Variants in ARHGEF11 observed in about 807,000 individuals in gnomAD.
ARHGEF11 encodes Rho guanine nucleotide exchange factor 11, also known as Rho guanine exchange factor (GEF) 11.
A neutral mutation model predicts 193.7 loss-of-function variants in ARHGEF11; 55 were observed. The observed-to-expected ratio is 0.28, with a 90% CI of 0.23 to 0.36. The LOEUF is 0.36. ARHGEF11 is among the 10% of genes least tolerant of loss of function. ARHGEF11 has a pLI of 1.00. For missense variants in ARHGEF11, 1,723 were observed against 2,005.6 expected, an observed-to-expected ratio of 0.86 and a Z score of 2.69; for synonymous variants, 693 against 768.0, an observed-to-expected ratio of 0.90 and a Z score of 1.62.
rs542912290 is a variant in ARHGEF11 at position 157,003,974 on chromosome 1, G to A, written c.33-17801C>T. 2.3e-3 allele frequency among the ~76,000 whole-genome samples: 350 copies of A among 152,302 alleles called. 1 individual carries two copies. Among genetic ancestry groups the A allele is most frequent in the African/African-American group, 8.1e-3 (336 of 41,562 alleles). ...ATTTTTATCACCACCATGGGAAAAG[G>A]GGGGCTTAAGTTGCTCCCTTGTATT... On this transcript the variant is annotated intron_variant, in intron 1 of 40. Coordinates refer to ENST00000368194, the MANE Select transcript of ARHGEF11 (RefSeq NM_198236.3).
At chr1:157,036,332 G>GT (rs1365761941) in intron 1 of ARHGEF11, among the ~76,000 whole-genome samples, 8 of 150,846 alleles carry the variant, frequency 5.3e-5, no homozygotes, top group Non-Finnish European at 1.5e-5. Flanking sequence ...TTTTTTGTTT[G>GT]TTTTTTTGAG....
chr1:156,958,664 G>A, intron 17 of ARHGEF11, 78 bp downstream of exon 17: 1 of 1,585,686 alleles, frequency 6.3e-7, no homozygotes, highest in South Asian at 1.2e-5. Context: ...GAGGGGGAGA[G>A]GTTGAAAGAA....
chr1:156,998,178 G>C (rs1308328093), intron 1 of ARHGEF11, among the ~76,000 whole-genome samples: 6 of 152,172 alleles, frequency 3.9e-5, no homozygotes, highest in Non-Finnish European at 7.3e-5. Context: ...AAACGAAGCA[G>C]AGCCCGGCTC....
chr1:157,046,237 A>G (rs1244755318), upstream of ARHGEF11, among the ~76,000 whole-genome samples: 1 of 131,362 alleles, frequency 7.6e-6, no homozygotes, highest in Non-Finnish European at 1.6e-5. Flanking sequence ...CGCCGCCGCC[A>G]CCGCCACCGC....
At chr1:156,945,322 G>A in intron 29 of ARHGEF11, 125 bp from the exon 30 acceptor site, 1 of 1,075,144 alleles carries the variant, frequency 9.3e-7, no homozygotes, top group Non-Finnish European at 1.3e-6. Context: ...GTGGGTGGAG[G>A]GGAGCCACCC....
chr1:157,028,005 A>G (rs149758404), intron 1 of ARHGEF11, among the ~76,000 whole-genome samples: 86 of 152,326 alleles, frequency 5.6e-4, no homozygotes, highest in African/African-American at 1.9e-3. Context: ...AAGGTGCCAG[A>G]GTGAAGAAGT....
At chr1:156,988,486 C>G (rs1303574942) in intron 1 of ARHGEF11, among the ~76,000 whole-genome samples, 1 of 152,312 alleles carries the variant, frequency 6.6e-6, no homozygotes, top group East Asian at 1.9e-4. Context: ...TATCTTGGGA[C>G]ACCTCGGGCC....
intron 1 of ARHGEF11, among the ~76,000 whole-genome samples, chr1:157,030,895 C>A (rs1671224707): frequency 1.3e-5 from 2 of 152,042 alleles, no homozygotes; most frequent in Admixed American, 1.3e-4. Context: ...GCACTCTTAT[C>A]TGGGTCCTCA....
intron 3 of ARHGEF11, among the ~76,000 whole-genome samples, chr1:156,981,941 A>G (rs1664241532): frequency 6.6e-6 from 1 of 152,244 alleles, no homozygotes; most frequent in Admixed American, 6.5e-5. Context: ...TGATCAAAAC[A>G]AAACTCCCAC....
At chr1:156,993,273 G>C (rs920242639) in intron 1 of ARHGEF11, among the ~76,000 whole-genome samples, 1 of 151,916 alleles carries the variant, frequency 6.6e-6, no homozygotes, top group Admixed American at 6.6e-5. Flanking sequence ...AGATTTGTTT[G>C]GTCTTTATTT....
At chr1:156,995,936 C>T (rs1005863440) in intron 1 of ARHGEF11, among the ~76,000 whole-genome samples, 1 of 152,066 alleles carries the variant, frequency 6.6e-6, no homozygotes, top group African/African-American at 2.4e-5. Context: ...GAACACAGGA[C>T]ATAGTAGATA....
chr1:156,941,943 G>A lies in ARHGEF11; in HGVS notation c.3373C>T (p.Pro1125Ser). Residue 1125 changes from proline to serine, a missense_variant, in exon 34 of 41, where the codon CCC becomes TCC. Physicochemically the swap from Pro to Ser is moderately conservative, Grantham distance 74. Around this residue, in one of 5 missense-constraint regions of ARHGEF11, gnomAD observed 203 missense variants for 237.3 expected, o/e 0.86. Coordinates refer to ENST00000368194, the MANE Select transcript of ARHGEF11 (RefSeq NM_198236.3). ...EEAVRNATRHPGAAPMPVHPP... is the reference protein window; with the variant it reads ...EEAVRNATRHSGAAPMPVHPP... Reference sequence around the variant, plus strand: ...TGGACGGGCATTGGGGCAGCTCCGGGGTGCCTGGTGGCATTCCGCACGGCC... The same window carrying A: ...TGGACGGGCATTGGGGCAGCTCCGGAGTGCCTGGTGGCATTCCGCACGGCC... The A allele has an allele frequency of 1.9e-6, 3 of 1,614,094 alleles. No homozygotes were observed. Among genetic ancestry groups the A allele is most frequent in the Non-Finnish European group, 2.5e-6 (3 of 1,180,010 alleles).
chr1:157,035,183 G>A (rs1472812161), intron 1 of ARHGEF11, among the ~76,000 whole-genome samples: 1 of 152,134 alleles, frequency 6.6e-6, no homozygotes, highest in African/African-American at 2.4e-5. Flanking sequence ...TGAGCGCTTA[G>A]GCCCCTCATT....
At chr1:156,958,411 T>C (rs539222436) in intron 17 of ARHGEF11, among the ~76,000 whole-genome samples, 70 of 152,224 alleles carry the variant, frequency 4.6e-4, no homozygotes, top group African/African-American at 1.5e-3. Context: ...CTGGCCTCAC[T>C]CTCTGTGACA....
chr1:157,018,608 G>A (rs1335444142), intron 1 of ARHGEF11, among the ~76,000 whole-genome samples: 3 of 149,972 alleles, frequency 2.0e-5, no homozygotes, highest in African/African-American at 7.4e-5. Context: ...TCGTGCCACT[G>A]CACTCCAGCC....
rs1658176246 is a variant in ARHGEF11 at position 156,946,608 on chromosome 1, C to G, written c.2694+54G>C. 5 of 1,612,226 alleles carry G rather than the reference C, an allele frequency of 3.1e-6. No homozygotes were observed. In the South Asian group the frequency reaches 5.5e-5, roughly 18 times the overall value. On this transcript the variant is annotated intron_variant, in intron 28 of 40. Coordinates refer to ENST00000368194, the MANE Select transcript of ARHGEF11 (RefSeq NM_198236.3). ...CCAGAAGGAGAGAAGTTCAGGAGATCCTTGGTGACCTTGATGGAGATGAAG... is the reference window on the plus strand; with the variant it reads ...CCAGAAGGAGAGAAGTTCAGGAGATGCTTGGTGACCTTGATGGAGATGAAG...
At chr1:156,957,894 A>G in intron 17 of ARHGEF11, 79 bp from the exon 18 acceptor site, 2 of 1,439,700 alleles carry the variant, frequency 1.4e-6, no homozygotes, top group Non-Finnish European at 2.0e-6. Flanking sequence ...GGAGGAGGGT[A>G]AGTTTTTCCT....
chr1:156,994,144 A>G (rs1666149957), intron 1 of ARHGEF11, among the ~76,000 whole-genome samples: 1 of 152,192 alleles, frequency 6.6e-6, no homozygotes, highest in Non-Finnish European at 1.5e-5. Flanking sequence ...TATTGATATC[A>G]TCTGTTAGTC....
In ARHGEF11 at chr1:156,937,358, T is replaced by C; in HGVS notation, c.4331A>G (p.Asn1444Ser). ...TEPQPQLQGG[N>S]DDPRRPSRSP... Reference sequence around the variant, plus strand: ...GCGGCTGGGGCGTCTTGGATCATCGTTGCCTCCCTGCAGCTGAGGCTGAGG... The same window carrying C: ...GCGGCTGGGGCGTCTTGGATCATCGCTGCCTCCCTGCAGCTGAGGCTGAGG... Residue 1444 changes from asparagine to serine, a missense_variant, in exon 39 of 41, where the codon AAC becomes AGC. By Grantham distance (46) the Asn-to-Ser change is conservative (BLOSUM62 1). This residue lies in a region of ARHGEF11 where 360 missense variants were observed against 344.4 expected (regional missense o/e 1.05). Transcript: ENST00000368194. 1 of 1,612,416 alleles carries C rather than the reference T, an allele frequency of 6.2e-7. No homozygotes were observed. The highest frequency in any genetic ancestry group is 1.3e-5 in the African/African-American group (1 of 74,996).
Sources: allele counts gnomAD v4.1 joint callset (sites outside exome capture counted in the v4.1 genomes callset), GRCh38; gene constraint gnomAD v4.1.1; regional missense constraint gnomAD v4.1.1; transcripts MANE v1.5; gene names NCBI Gene and HGNC (gene_info 2026-07-23, HGNC 2026-07-21).